The following FOXP1 variants were observed in gnomAD, a reference collection of about 807,000 sequenced individuals.
FOXP1 encodes the protein forkhead box protein P1.
FOXP1 carries 15 observed loss-of-function variants against 98.2 expected under a neutral mutation model. The ratio of observed to expected loss-of-function variants is 0.15; its 90% CI spans 0.10 to 0.24. FOXP1 has a LOEUF of 0.24. Among genes scored for constraint, FOXP1 ranks in the 10% least tolerant of loss-of-function variants. FOXP1 has a pLI of 1.00. For synonymous variants in FOXP1, 371 were observed against 314.5 expected, an observed-to-expected ratio of 1.18 and a Z score of -1.90; for missense variants, 633 against 848.5, an observed-to-expected ratio of 0.75 and a Z score of 3.15.
chr3:71,533,059 T>C (rs992490083), intron 2 of FOXP1, among the ~76,000 whole-genome samples: 3 of 152,192 alleles, frequency 2.0e-5, no homozygotes, highest in Non-Finnish European at 4.4e-5. Context: ...ACCATACAAG[T>C]TTTAACAAAT....
At chr3:70,977,522 C>G in intron 16 of FOXP1, 121 bp downstream of exon 16, 2 of 806,140 alleles carry the variant, frequency 2.5e-6, no homozygotes, top group South Asian at 3.0e-5. Context: ...TTTAAAAAAC[C>G]TTATAGAAAA....
chr3:71,051,487 C>T (rs1041855598), intron 9 of FOXP1, among the ~76,000 whole-genome samples: 3 of 152,184 alleles, frequency 2.0e-5, no homozygotes, highest in Non-Finnish European at 2.9e-5. Context: ...AGCCCAGCAT[C>T]CTCACTTAGG....
chr3:70,970,843 A>T (rs748507893), intron 18 of FOXP1, 38 bp from the exon 19 acceptor site: 15 of 1,492,614 alleles, frequency 1.0e-5, no homozygotes, highest in Non-Finnish European at 1.4e-5. Flanking sequence ...AGTTAAACAC[A>T]GTCGACTGCT....
chr3:71,049,652 A>G (rs1310010153), intron 9 of FOXP1, among the ~76,000 whole-genome samples: 1 of 151,888 alleles, frequency 6.6e-6, no homozygotes, highest in Non-Finnish European at 1.5e-5. Context: ...GGGTGGGGGG[A>G]GCCTGACAAT....
intron 6 of FOXP1, among the ~76,000 whole-genome samples, chr3:71,123,032 T>G (rs1350495927): frequency 6.6e-6 from 1 of 150,988 alleles, no homozygotes; most frequent in African/African-American, 2.5e-5. Context: ...AAAGACTTGC[T>G]TTTTTTCAAC....
intron 8 of FOXP1, 34 bp downstream of exon 8, chr3:71,053,602 G>T: frequency 6.2e-7 from 1 of 1,613,616 alleles, no homozygotes. Flanking sequence ...GGGTTCTGGG[G>T]GAGACAGGCT....
intron 4 of FOXP1, among the ~76,000 whole-genome samples, chr3:71,351,574 G>C (rs932156293): frequency 3.9e-5 from 6 of 152,152 alleles, no homozygotes; most frequent in African/African-American, 9.7e-5. Context: ...AGTAACCAAA[G>C]GTCTTCTACT....
At chr3:71,456,931 C>T (rs1465888280) in intron 3 of FOXP1, among the ~76,000 whole-genome samples, 1 of 151,744 alleles carries the variant, frequency 6.6e-6, no homozygotes, top group Non-Finnish European at 1.5e-5. Flanking sequence ...GCCCTGGTAA[C>T]TTATCTGAGA....
chr3:71,120,112 AC>A (rs2058654051), intron 6 of FOXP1, among the ~76,000 whole-genome samples: 1 of 152,232 alleles, frequency 6.6e-6, no homozygotes, highest in African/African-American at 2.4e-5. Flanking sequence ...TAAATAGAAA[AC>A]AAAACACATT....
chr3:71,106,407 C>G (rs1158924297), intron 7 of FOXP1, among the ~76,000 whole-genome samples: 1 of 152,140 alleles, frequency 6.6e-6, no homozygotes, highest in Non-Finnish European at 1.5e-5. Flanking sequence ...GTGATCTCGG[C>G]TCACTGCAAC....
intron 5 of FOXP1, among the ~76,000 whole-genome samples, chr3:71,288,590 G>A (rs1350431431): frequency 6.6e-6 from 1 of 152,154 alleles, no homozygotes; most frequent in Non-Finnish European, 1.5e-5. Flanking sequence ...TTCTAAGTTA[G>A]GGCTATAAAC....
chr3:70,979,311 A>AG (rs2038323457), intron 14 of FOXP1, among the ~76,000 whole-genome samples: 7 of 147,596 alleles, frequency 4.7e-5, no homozygotes, highest in Non-Finnish European at 5.9e-5. Flanking sequence ...AAAAAAAAAA[A>AG]AAAAAAAAAG....
chr3:71,391,947 C>T (rs978901642), intron 3 of FOXP1, among the ~76,000 whole-genome samples: 1 of 152,152 alleles, frequency 6.6e-6, no homozygotes, highest in Non-Finnish European at 1.5e-5. Flanking sequence ...GGAAAGACAG[C>T]TCACGGATGC....
intron 20 of FOXP1, 143 bp from the exon 21 acceptor site, chr3:70,959,534 TCTTTAAATTGA>T: frequency 2.3e-6 from 2 of 859,076 alleles, no homozygotes; most frequent in African/African-American, 1.7e-5. Flanking sequence ...CACACGTGGC[TCTTTAAATTGA>T]AATGAACGAA....
At chr3:71,141,550 C>A (rs959907214) in intron 6 of FOXP1, among the ~76,000 whole-genome samples, 1 of 152,166 alleles carries the variant, frequency 6.6e-6, no homozygotes, top group Admixed American at 6.5e-5. Context: ...TTAAAGTTAA[C>A]CGTTCTACAG....
intron 3 of FOXP1, among the ~76,000 whole-genome samples, chr3:71,394,480 T>G (rs1007578153): frequency 6.6e-5 from 10 of 152,274 alleles, no homozygotes; most frequent in African/African-American, 2.4e-4. Flanking sequence ...CACCATGAAT[T>G]TGTCTGCTAG....
At chr3:71,349,268 G>A (rs1483391256) in intron 4 of FOXP1, among the ~76,000 whole-genome samples, 1 of 152,156 alleles carries the variant, frequency 6.6e-6, no homozygotes, top group Non-Finnish European at 1.5e-5. Context: ...AACTTAGCAG[G>A]AGGAAATAAT....
In FOXP1 at chr3:71,179,134, C is replaced by CTTTTTT. The variant is rs34816512; in HGVS notation, c.180+19062_180+19067dup. On this transcript the variant is annotated intron_variant, in intron 6 of 20. Transcript: ENST00000649528. ...ATGTTGGAAGTTTCCTCTTAACAAT[C>CTTTTTT]TTTTTTTTTTTTTTTTTTGAGACGG... Among the ~76,000 whole-genome samples the CTTTTTT allele has an allele frequency of 8.8e-5, 11 of 124,802 alleles. 1 individual carries two copies. Among genetic ancestry groups the CTTTTTT allele is most frequent in the East Asian group, 4.5e-4 (2 of 4,398 alleles). The allele number at this position is 124,802 out of a possible 152,430, so 81.9% of individuals were successfully genotyped here.
intron 7 of FOXP1, among the ~76,000 whole-genome samples, chr3:71,086,421 A>G (rs1448229802): frequency 6.6e-6 from 1 of 152,206 alleles, no homozygotes; most frequent in Admixed American, 6.5e-5. Flanking sequence ...TGCTTATGTG[A>G]CAACAACATA....
Sources: gnomAD v4.1 joint callset for allele counts (sites outside exome capture counted in the v4.1 genomes callset) on GRCh38, gnomAD v4.1.1 for gene constraint, MANE v1.5 for transcripts, NCBI Gene and HGNC (gene_info 2026-07-23, HGNC 2026-07-21) for gene names.